ASCC3: variants seen among roughly 807,000 people sequenced by gnomAD.
ASCC3 encodes the protein ASC-1 complex subunit P200.
ASCC3 carries 158 observed loss-of-function variants against 256.3 expected under a neutral mutation model. The ratio of observed to expected loss-of-function variants is 0.62; its 90% confidence interval spans 0.54 to 0.70. The LOEUF is 0.70. ASCC3 is among the 30% of genes least tolerant of loss of function. The pLI is 0.00. For missense variants in ASCC3, 2,259 were observed against 2,626.0 expected (o/e 0.86, Z 3.05); for synonymous variants, 948 against 883.4 (o/e 1.07, Z -1.30).
chr6:100,619,879 C>T (rs1028177230), intron 30 of ASCC3, among the ~76,000 whole-genome samples: 27 of 152,022 alleles, frequency 1.8e-4, no homozygotes, highest in African/African-American at 6.5e-4. Flanking sequence ...TGACTAGATA[C>T]AAGCAAGAGA....
intron 30 of ASCC3, among the ~76,000 whole-genome samples, chr6:100,620,705 A>T (rs1409443453): frequency 6.6e-6 from 1 of 152,162 alleles, no homozygotes; most frequent in Admixed American, 6.6e-5. Context: ...TGAATGCTCA[A>T]GTTGTCAACA....
At chr6:100,853,654 C>T (rs558105636) in intron 3 of ASCC3, among the ~76,000 whole-genome samples, 272 of 152,108 alleles carry the variant, frequency 1.8e-3, no homozygotes, top group Non-Finnish European at 3.0e-3. Context: ...TTTGTAGAGT[C>T]ATTTCACAAT....
At chr6:100,632,119 C>A (rs145750473) in intron 25 of ASCC3, among the ~76,000 whole-genome samples, 1 of 145,698 alleles carries the variant, frequency 6.9e-6, no homozygotes, top group Non-Finnish European at 1.5e-5. Context: ...AAATTCAATA[C>A]GCTTGAAGGA....
chr6:100,861,443 G>T (rs933481867), intron 3 of ASCC3, among the ~76,000 whole-genome samples: 1 of 151,842 alleles, frequency 6.6e-6, no homozygotes, highest in Non-Finnish European at 1.5e-5. Context: ...TACAATTATA[G>T]CAAAATTGTC....
At chr6:100,647,673 G>T (rs1775450411) in intron 20 of ASCC3, among the ~76,000 whole-genome samples, 1 of 151,994 alleles carries the variant, frequency 6.6e-6, no homozygotes, top group African/African-American at 2.4e-5. Flanking sequence ...CTCTCAGAGG[G>T]GAAGCCTTAT....
intron 4 of ASCC3, among the ~76,000 whole-genome samples, chr6:100,818,837 C>T (rs1184109755): frequency 7.7e-6 from 1 of 130,500 alleles, no homozygotes; most frequent in Non-Finnish European, 1.6e-5. Flanking sequence ...TTAGAAGTGA[C>T]AAGTTGAGCA....
In ASCC3 at chr6:100,661,786, T is replaced by A; in HGVS notation, c.2703+20A>T. The A allele has an allele frequency of 6.2e-7, 1 of 1,606,984 alleles. No homozygotes were observed. Among genetic ancestry groups the A allele is most frequent in the Non-Finnish European group, 8.5e-7 (1 of 1,173,960 alleles). ...TAAGGCTGATGATTCTATTCCAAAC[T>A]TTTACTCATTAGATCTTACCTCTGC... On this transcript the variant is annotated intron_variant, in intron 16 of 41. Coordinates refer to ENST00000369162, the MANE Select transcript of ASCC3 (RefSeq NM_006828.4).
intron 8 of ASCC3, among the ~76,000 whole-genome samples, chr6:100,788,885 G>A (rs1769216632): frequency 6.6e-6 from 1 of 151,914 alleles, no homozygotes; most frequent in Non-Finnish European, 1.5e-5. Flanking sequence ...AGAGGCAGTA[G>A]TAAAGTTTTT....
At chr6:100,570,747 C>T (rs976568254) in intron 36 of ASCC3, among the ~76,000 whole-genome samples, 1 of 152,162 alleles carries the variant, frequency 6.6e-6, no homozygotes, top group Non-Finnish European at 1.5e-5. Flanking sequence ...GACAAACATA[C>T]ACCCTGCTCT....
chr6:100,743,505 G>A (rs1582795682), intron 10 of ASCC3, among the ~76,000 whole-genome samples: 1 of 151,958 alleles, frequency 6.6e-6, no homozygotes, highest in South Asian at 2.1e-4. Flanking sequence ...TATCAAAACA[G>A]GCCACCTTTT....
At chr6:100,564,779 A>G (rs952956663) in intron 36 of ASCC3, among the ~76,000 whole-genome samples, 3 of 152,232 alleles carry the variant, frequency 2.0e-5, no homozygotes, top group Middle Eastern at 3.4e-3. Context: ...AGAACAAATA[A>G]TCTTCCAAAT....
At chr6:100,665,224 C>G (rs2114937513) in intron 14 of ASCC3, among the ~76,000 whole-genome samples, 1 of 152,264 alleles carries the variant, frequency 6.6e-6, no homozygotes, top group Admixed American at 6.5e-5. Flanking sequence ...TGGCCACCAA[C>G]TTGGTATATC....
rs1775260154 is a variant in ASCC3 at position 100,644,023 on chromosome 6, A to T, written c.3732+8T>A. The T allele has an allele frequency of 6.3e-7, 1 of 1,576,006 alleles. No individual in the cohort carries two copies. Among genetic ancestry groups the T allele is most frequent in the Non-Finnish European group, 8.7e-7 (1 of 1,146,360 alleles). On this transcript the variant is annotated splice_region_variant and intron_variant, in intron 23 of 41. Transcript: ENST00000369162. ...CAAATAAGGATATATTCACATATAT[A>T]CACTTACTTGTTTTTTTAGAGCTAG... is the stretch of plus-strand genomic sequence containing the variant.
rs143623330 is a variant in ASCC3, at chr6:100,728,584, C to A, written c.1738-2881G>T. On this transcript the variant is annotated intron_variant, in intron 10 of 41. Transcript: ENST00000369162. ...TGTATAATTTATAATACTCCAAAAT[C>A]AAAAACAAACCAAATGTCCATCAAC... Among the ~76,000 whole-genome samples, 16 of 151,672 alleles carry A rather than the reference C, an allele frequency of 1.1e-4. No individual in the cohort carries two copies. The East Asian group carries it at 3.1e-3, about 29-fold the overall frequency.
Position 100,661,987 on chromosome 6 carries a change from A to G in ASCC3, c.2522T>C (p.Leu841Pro), listed in dbSNP as rs1180942915. The G allele has an allele frequency of 1.9e-6, 3 of 1,613,200 alleles. No homozygotes were observed. Among genetic ancestry groups the G allele is most frequent in the African/African-American group, 1.3e-5 (1 of 74,848 alleles). Reference sequence around the variant, plus strand: ...TATCTGCATGACATCTAAAATTCCAAGGTCAACAAAGGAGCCTCTTTTTGC... The same window carrying G: ...TATCTGCATGACATCTAAAATTCCAGGGTCAACAAAGGAGCCTCTTTTTGC... ...YAAKRGSFVD[L>P]GILDVMQIFG... Residue 841 changes from leucine to proline, a missense_variant, in exon 16 of 42, where the codon CTT (leucine) becomes CCT (proline). Leu to Pro is a moderately conservative substitution (Grantham distance 98). Around this residue, in one of 2 missense-constraint regions of ASCC3, gnomAD observed 1,839 missense variants for 2,206.7 expected, o/e 0.83. Transcript: ENST00000369162.
rs1314153259 is a variant in ASCC3 at position 100,691,718 on chromosome 6, T to C, written c.2152-11966A>G. On this transcript the variant is annotated intron_variant, in intron 13 of 41. Coordinates refer to ENST00000369162, the MANE Select transcript of ASCC3 (RefSeq NM_006828.4). ...TTTAATATAAATCAATTGTTTTTGTTTTAGAAAAATTTTTTAGCAATCTAG... is the reference window on the plus strand; with the variant it reads ...TTTAATATAAATCAATTGTTTTTGTCTTAGAAAAATTTTTTAGCAATCTAG... Among the ~76,000 whole-genome samples the C allele has an allele frequency of 2.0e-5, 3 of 152,102 alleles. No individual in the cohort carries two copies. The East Asian group carries it at 5.8e-4, about 29-fold the overall frequency.
At chr6:100,771,439 T>C (rs577938523) in intron 8 of ASCC3, among the ~76,000 whole-genome samples, 2 of 152,118 alleles carry the variant, frequency 1.3e-5, no homozygotes, top group Non-Finnish European at 2.9e-5. Context: ...ATGGAAAACC[T>C]ACTATCTTTA....
At chr6:100,813,618 C>T (rs7768210) in intron 4 of ASCC3, among the ~76,000 whole-genome samples, 64,293 of 151,654 alleles carry the variant, frequency 0.42, 14,433 homozygotes, top group Middle Eastern at 0.57. Context: ...TTATACAGGG[C>T]GTCTGTGTTT....
chr6:100,766,827 T>C (rs1781681255), intron 9 of ASCC3, 122 bp from the exon 10 acceptor site: 1 of 1,197,444 alleles, frequency 8.4e-7, no homozygotes. Flanking sequence ...CAGTGAAAAA[T>C]CTTAATAGTG....
Sources: gnomAD v4.1 joint callset for allele counts (sites outside exome capture counted in the v4.1 genomes callset) on GRCh38, gnomAD v4.1.1 for gene constraint, gnomAD v4.1.1 regional missense constraint, MANE v1.5 for transcripts, NCBI Gene and HGNC (gene_info 2026-07-23, HGNC 2026-07-21) for gene names.